NOS1: variants seen among roughly 807,000 people sequenced by gnomAD.
The protein encoded by NOS1 is NOS type I.
A neutral mutation model predicts 164.5 loss-of-function variants in NOS1; 51 were observed. The ratio of observed to expected loss-of-function variants is 0.31; its 90% CI spans 0.25 to 0.39. The LOEUF (loss-of-function observed/expected upper bound fraction) is 0.39, where lower values mean the gene tolerates loss of function less well. Ranked by LOEUF, NOS1 falls within the 10% of genes least tolerant of loss-of-function variation. The probability of loss-of-function intolerance (pLI) is 1.00; values close to 1 mark genes in which losing one functional copy is unlikely to be tolerated. For synonymous variants in NOS1, 719 were observed against 745.8 expected (o/e 0.96, Z 0.59); for missense variants, 1,362 against 1,885.6 (o/e 0.72, Z 5.14).
At chr12:117,310,168 A>G (rs563478944) in intron 3 of NOS1, among the ~76,000 whole-genome samples, 2 of 152,166 alleles carry the variant, frequency 1.3e-5, no homozygotes, top group East Asian at 3.9e-4. Flanking sequence ...TCGGCCTTCC[A>G]AAGTGTTGGA....
chr12:117,343,017 A>G (rs960152648), intron 1 of NOS1, among the ~76,000 whole-genome samples: 1 of 152,122 alleles, frequency 6.6e-6, no homozygotes, highest in Non-Finnish European at 1.5e-5. Flanking sequence ...GGATTTCCTG[A>G]GAGAGGGAAA....
At position 117,214,789 on chromosome 12, in the gene NOS1, C is replaced by T. The variant is rs898281649; in HGVS notation, c.*520G>A. On this transcript the variant is annotated 3_prime_UTR_variant, in exon 29 of 29. Coordinates refer to ENST00000317775, the MANE Select transcript of NOS1 (RefSeq NM_000620.5). ...AATGAAAGCAGTGGCAATCTAAGAT[C>T]GACACACTTGTGCAGGGAAGAGGAC... 6 of 983,928 alleles carry T rather than the reference C, an allele frequency of 6.1e-6. No individual in the cohort carries two copies. In the Admixed American group the frequency reaches 2.5e-4, roughly 41 times the overall value. 60.9% of individuals were successfully genotyped at this position (983,928 alleles called of 1,614,324 possible).
chr12:117,260,701 T>C, intron 13 of NOS1, 92 bp from the exon 14 acceptor site: 1 of 1,385,828 alleles, frequency 7.2e-7, no homozygotes, highest in Non-Finnish European at 9.9e-7. Context: ...CCAGGATCCA[T>C]GAAATATAAC....
intron 7 of NOS1, among the ~76,000 whole-genome samples, chr12:117,283,133 T>C (rs1873825055): frequency 6.6e-6 from 1 of 150,446 alleles, no homozygotes; most frequent in African/African-American, 2.4e-5. Flanking sequence ...CAACCTCGGC[T>C]CACTGCAACC....
rs60613906 is a variant in NOS1 at position 117,335,729 on chromosome 12, TGAGAGAGAGAGAGA to T, written c.-420-4254_-420-4241del. Among the ~76,000 whole-genome samples, 1,045 of 112,372 alleles carry T rather than the reference TGAGAGAGAGAGAGA, an allele frequency of 9.3e-3. 21 individuals are homozygous for T. Among genetic ancestry groups the T allele is most frequent in the African/African-American group, 0.033 (931 of 28,024 alleles). The allele number at this position is 112,372 out of a possible 152,430, so 73.7% of individuals were successfully genotyped here. Reference sequence around the variant, plus strand: ...TTTTATTTAATTGTTACAGACTATATGAGAGAGAGAGAGAGAGAGAGAGAGAGAGAGAGAGAGAG... The same window carrying T: ...TTTTATTTAATTGTTACAGACTATATGAGAGAGAGAGAGAGAGAGAGAGAG... On this transcript the variant is annotated intron_variant, in intron 1 of 28. Transcript: ENST00000317775.
intron 7 of NOS1, 101 bp downstream of exon 7, chr12:117,285,140 G>T: frequency 3.7e-6 from 2 of 547,524 alleles, no homozygotes; most frequent in Non-Finnish European, 6.5e-6. Flanking sequence ...TCCCTGAGAT[G>T]AGGTGCATTT....
intron 3 of NOS1, among the ~76,000 whole-genome samples, chr12:117,294,273 C>T (rs1213968323): frequency 6.6e-6 from 1 of 152,036 alleles, no homozygotes; most frequent in Non-Finnish European, 1.5e-5. Context: ...GGGTGGGGGG[C>T]CAGGCGTGAG....
At chr12:117,265,083 C>A (rs1483164203) in intron 12 of NOS1, among the ~76,000 whole-genome samples, 1 of 152,036 alleles carries the variant, frequency 6.6e-6, no homozygotes, top group Non-Finnish European at 1.5e-5. Context: ...TGGCCTCAAG[C>A]CACCTTCCCA....
rs1380658814 is a variant in NOS1 at position 117,280,793 on chromosome 12, G to A, written c.1456C>T (p.Arg486Cys). 9 of 1,614,202 alleles carry A rather than the reference G, an allele frequency of 5.6e-6. No individual in the cohort carries two copies. Among genetic ancestry groups the A allele is most frequent in the Non-Finnish European group, 7.6e-6 (9 of 1,180,028 alleles). ...TCAGGCTGCTTGTAGCCAGCGTAGC[G>A]GATGAGCTGGGAGTTCCAGACTCGG... ...DFRVWNSQLI[R>C]YAGYKQPDGS... is the part of the protein sequence containing the mutation. Residue 486 changes from arginine (R) to cysteine (C), a missense_variant, in exon 8 of 29, where the codon CGC becomes TGC. Around this residue, in one of 4 missense-constraint regions of NOS1, gnomAD observed 134 missense variants for 267.3 expected, o/e 0.50. Transcript: ENST00000317775.
intron 13 of NOS1, among the ~76,000 whole-genome samples, chr12:117,263,497 AG>A: frequency 6.6e-6 from 1 of 152,138 alleles, no homozygotes; most frequent in Admixed American, 6.6e-5. Context: ...CAAAAAAGAA[AG>A]AAAGAAAGAA....
intron 18 of NOS1, 48 bp downstream of exon 18, chr12:117,247,300 G>A: frequency 6.8e-7 from 1 of 1,463,524 alleles, no homozygotes; most frequent in South Asian, 1.3e-5. Context: ...GTCTTTGGGG[G>A]TGTGGGGAGC....
intron 1 of NOS1, among the ~76,000 whole-genome samples, chr12:117,349,352 T>C (rs1271547676): frequency 6.6e-6 from 1 of 152,256 alleles, no homozygotes; most frequent in African/African-American, 2.4e-5. Flanking sequence ...AAGCCACTTT[T>C]AGTTTATCCA....
chr12:117,305,799 T>C (rs1874112695), intron 3 of NOS1, among the ~76,000 whole-genome samples: 1 of 151,560 alleles, frequency 6.6e-6, no homozygotes, highest in African/African-American at 2.4e-5. Flanking sequence ...ACTTTTTTTT[T>C]TTTTTTTCCT....
intron 3 of NOS1, among the ~76,000 whole-genome samples, chr12:117,306,072 G>A (rs553305500): frequency 8.5e-4 from 129 of 152,152 alleles, no homozygotes; most frequent in African/African-American, 2.8e-3. Flanking sequence ...GATTACAGTC[G>A]AGAACCACCT....
At chr12:117,284,701 C>T (rs1227371620) in intron 7 of NOS1, among the ~76,000 whole-genome samples, 1 of 152,090 alleles carries the variant, frequency 6.6e-6, no homozygotes, top group Non-Finnish European at 1.5e-5. Context: ...GTTTTGCAAA[C>T]CACACAGGAA....
In NOS1 at chr12:117,211,453, T is replaced by C. The variant is rs1956527109; in HGVS notation, c.*3856A>G. ...TGTGGCCAGAACTTTCTTTTCCAAG[T>C]ATAACTCCAATCGCCTTAATGTCCC... On this transcript the variant is annotated 3_prime_UTR_variant, in exon 29 of 29. Coordinates refer to ENST00000317775, the MANE Select transcript of NOS1 (RefSeq NM_000620.5). 2.0e-6 allele frequency: 2 copies of C among 984,984 alleles called. No individual in the cohort carries two copies. The highest frequency in any genetic ancestry group is 9.4e-5 in the South Asian group (2 of 21,272). The allele number at this position is 984,984 out of a possible 1,614,324, so 61.0% of individuals were successfully genotyped here.
intron 1 of NOS1, among the ~76,000 whole-genome samples, chr12:117,352,203 A>ACATACATACATG (rs1566087916): frequency 6.6e-6 from 1 of 150,704 alleles, no homozygotes; most frequent in East Asian, 2.0e-4. Flanking sequence ...ATACATACAT[A>ACATACATACATG]CATACATACA....
In NOS1 at chr12:117,268,028, G is replaced by A. The variant is rs761944341; in HGVS notation, c.1941+15C>T. 3.4e-5 allele frequency: 54 copies of A among 1,574,238 alleles called. 2 individuals carry two copies. The South Asian group carries it at 4.6e-4, about 13-fold the overall frequency. ...ATTTGAAGCTTGACCCTGGTGGTGC[G>A]GGCCCTGGTGTTACCTGGAAGCTAT... is the stretch of plus-strand genomic sequence containing the variant. On this transcript the variant is annotated intron_variant, in intron 11 of 28. Coordinates refer to ENST00000317775, the MANE Select transcript of NOS1 (RefSeq NM_000620.5).
chr12:117,213,494 C>A lies in NOS1; in HGVS notation c.*1815G>T, dbSNP rs544985427. On this transcript the variant is annotated 3_prime_UTR_variant, in exon 29 of 29. Coordinates refer to ENST00000317775, the MANE Select transcript of NOS1 (RefSeq NM_000620.5). ...GCTCCATGTGGCAGGAACAGGACAC[C>A]GGTGGGGGCTGCCAGGGATGGCAGA... The A allele has an allele frequency of 1.0e-6, 1 of 985,334 alleles. No individual in the cohort carries two copies. 61.0% of individuals were successfully genotyped at this position (985,334 alleles called of 1,614,324 possible). A position where few individuals can be genotyped will look rare whatever the true frequency, so the allele number is the denominator to read the frequency against.
Sources: allele counts gnomAD v4.1 joint callset (sites outside exome capture counted in the v4.1 genomes callset), GRCh38; gene constraint gnomAD v4.1.1; regional missense constraint gnomAD v4.1.1; transcripts MANE v1.5; gene names NCBI Gene and HGNC (gene_info 2026-07-23, HGNC 2026-07-21).